Variants in FAM107A observed in about 807,000 individuals in gnomAD.
The protein encoded by FAM107A is family with sequence similarity 107 member A, also known as actin-associated protein FAM107A.
In FAM107A, 19 loss-of-function variants were observed where a neutral mutation model predicts 13.7. The observed-to-expected ratio is 1.38, with a 90% CI of 0.97 to 2.03. The LOEUF (loss-of-function observed/expected upper bound fraction) is 2.03. Among genes scored for constraint, FAM107A ranks in the 30% most tolerant of loss-of-function variants. The pLI is 0.00. For missense variants in FAM107A, 203 were observed against 184.4 expected (o/e 1.10, Z -0.58); for synonymous variants, 82 against 74.5 (o/e 1.10, Z -0.52).
At chr3:58,599,725 T>TAA (rs2065738013) in intron 1 of FAM107A, among the ~76,000 whole-genome samples, 1 of 112,834 alleles carries the variant, frequency 8.9e-6, no homozygotes, top group Non-Finnish European at 1.7e-5. Flanking sequence ...TTTTTTTTTT[T>TAA]TTTTTTTTTT....
chr3:58,572,215 G>A (rs1289933639), intron 1 of FAM107A, among the ~76,000 whole-genome samples: 1 of 152,158 alleles, frequency 6.6e-6, no homozygotes, highest in African/African-American at 2.4e-5. Flanking sequence ...TCCTGGCACT[G>A]TGGTAGACAC....
At chr3:58,600,789 C>A (rs899713000) in intron 1 of FAM107A, among the ~76,000 whole-genome samples, 1 of 152,118 alleles carries the variant, frequency 6.6e-6, no homozygotes, top group Non-Finnish European at 1.5e-5. Context: ...GGGAGAAATG[C>A]CACAGGGGGC....
chr3:58,599,189 G>A (rs1375934539), intron 1 of FAM107A, among the ~76,000 whole-genome samples: 1 of 152,120 alleles, frequency 6.6e-6, no homozygotes, highest in Non-Finnish European at 1.5e-5. Context: ...TCATCCGCCT[G>A]CCTCAGCCTC....
intron 2 of FAM107A, among the ~76,000 whole-genome samples, chr3:58,568,939 G>A (rs1323484444): frequency 2.0e-5 from 3 of 151,866 alleles, no homozygotes; most frequent in African/African-American, 4.8e-5. Flanking sequence ...TGCACACCAC[G>A]GCCTTCCACG....
upstream of FAM107A, among the ~76,000 whole-genome samples, chr3:58,588,417 G>C (rs937613774): frequency 2.6e-5 from 4 of 152,168 alleles, no homozygotes; most frequent in Non-Finnish European, 4.4e-5. Flanking sequence ...TCTGACTCAG[G>C]GGTCCTGTAC....
In FAM107A at chr3:58,612,348, G is replaced by T. The variant is rs1037064836; in HGVS notation, c.-70+15068C>A. Among the ~76,000 whole-genome samples, 3 of 152,168 alleles carry T rather than the reference G, an allele frequency of 2.0e-5. No individual in the cohort carries two copies. In the East Asian group the frequency reaches 5.8e-4, roughly 29 times the overall value. On this transcript the variant is annotated intron_variant, in intron 1 of 3. Transcript: ENST00000465970. The stretch of plus-strand genomic sequence containing the variant: ...TAATCCCAGCATTTTGGGAGGCTGA[G>T]GGGGGCAGATCACTTGTGCTCAGGA...
At position 58,576,136 on chromosome 3, in the gene FAM107A, G is replaced by A. The variant is rs534909496; in HGVS notation, c.-6+1173C>T. Among the ~76,000 whole-genome samples, 25 of 152,352 alleles carry A rather than the reference G, an allele frequency of 1.6e-4. No homozygotes were observed. The East Asian group carries it at 3.7e-3, about 22-fold the overall frequency. On this transcript the variant is annotated intron_variant, in intron 1 of 3. Transcript: ENST00000360997. ...TTCACTGGCCAGCAGCCAAAGAACA[G>A]TGTATCTCGGAGCCACCTCCAGATC...
upstream of FAM107A, among the ~76,000 whole-genome samples, chr3:58,580,310 A>G (rs1470830426): frequency 6.6e-6 from 1 of 151,806 alleles, no homozygotes; most frequent in Non-Finnish European, 1.5e-5. Context: ...GGTCAACTCT[A>G]GATCAGTGTA....
chr3:58,615,201 G>C (rs2108081236), intron 1 of FAM107A, among the ~76,000 whole-genome samples: 2 of 152,258 alleles, frequency 1.3e-5, no homozygotes, highest in Middle Eastern at 6.8e-3. Context: ...ACCAACTTTT[G>C]GCCATCTTCA....
chr3:58,601,223 A>G (rs1039457903), intron 1 of FAM107A, among the ~76,000 whole-genome samples: 2 of 152,220 alleles, frequency 1.3e-5, no homozygotes, highest in African/African-American at 4.8e-5. Flanking sequence ...AACAATGCAG[A>G]TGGGTGTAAA....
At chr3:58,597,940 T>C (rs978914407) in intron 1 of FAM107A, among the ~76,000 whole-genome samples, 1 of 152,226 alleles carries the variant, frequency 6.6e-6, no homozygotes, top group African/African-American at 2.4e-5. Flanking sequence ...GCACCCATTT[T>C]ACAGAGGAGG....
chr3:58,587,617 C>G (rs548368289), upstream of FAM107A, among the ~76,000 whole-genome samples: 89 of 151,898 alleles, frequency 5.9e-4, no homozygotes, highest in Non-Finnish European at 1.1e-3. Flanking sequence ...CACTGAGAGG[C>G]AGGGTCTTTG....
At chr3:58,582,210 T>C (rs1243651787), upstream of FAM107A, among the ~76,000 whole-genome samples, 1 of 152,216 alleles carries the variant, frequency 6.6e-6, no homozygotes, top group Non-Finnish European at 1.5e-5. Flanking sequence ...GTATAGTCCA[T>C]GACATAGCTG....
At chr3:58,580,177 A>T (rs148784987), upstream of FAM107A, among the ~76,000 whole-genome samples, 1 of 152,216 alleles carries the variant, frequency 6.6e-6, no homozygotes, top group Non-Finnish European at 1.5e-5. Context: ...CCTGAAAAAG[A>T]TGTCTTCTAC....
intron 1 of FAM107A, among the ~76,000 whole-genome samples, chr3:58,598,506 C>T (rs1387528676): frequency 6.6e-6 from 1 of 152,228 alleles, no homozygotes; most frequent in Non-Finnish European, 1.5e-5. Flanking sequence ...ACCCACCCCC[C>T]AGCAGGCAGC....
chr3:58,572,896 T>C (rs913961176), intron 1 of FAM107A: 1 of 152,256 alleles, frequency 6.6e-6, no homozygotes, highest in African/African-American at 2.4e-5. Flanking sequence ...TTTGACCTTC[T>C]GTTGTTGTTG....
At chr3:58,570,487 GT>G (rs1183465586) in intron 1 of FAM107A, 3 of 474,434 alleles carry the variant, frequency 6.3e-6, no homozygotes, top group Non-Finnish European at 8.3e-6. Flanking sequence ...TACCACAGCG[GT>G]TTGAAATCTG....
chr3:58,593,962 G>C (rs2065677136), intron 1 of FAM107A, among the ~76,000 whole-genome samples: 1 of 151,880 alleles, frequency 6.6e-6, no homozygotes, highest in South Asian at 2.1e-4. Flanking sequence ...CCTTATGTCA[G>C]TTCCACCCCT....
intron 1 of FAM107A, among the ~76,000 whole-genome samples, chr3:58,575,495 C>G (rs994355314): frequency 7.0e-6 from 1 of 143,356 alleles, no homozygotes; most frequent in Non-Finnish European, 1.5e-5. Flanking sequence ...GATGAGAAAA[C>G]TAAGGCTCAG....
Sources: gnomAD v4.1 joint callset for allele counts (sites outside exome capture counted in the v4.1 genomes callset) on GRCh38, gnomAD v4.1.1 for gene constraint, MANE v1.5 for transcripts, NCBI Gene and HGNC (gene_info 2026-07-23, HGNC 2026-07-21) for gene names.